Variants in USH2A observed in about 807,000 individuals in gnomAD.
USH2A encodes usherin, also known as Usher syndrome 2A (autosomal recessive, mild).
Under a neutral mutation model 538.9 loss-of-function variants are expected in USH2A, and 443 were observed. The ratio of observed to expected loss-of-function variants is 0.82; its 90% confidence interval spans 0.76 to 0.89. The LOEUF is 0.89. USH2A is among the 40% of genes least tolerant of loss of function. The pLI is 0.00. For missense variants in USH2A, 6,633 were observed against 6,324.8 expected, an observed-to-expected ratio of 1.05 and a Z score of -1.65; for synonymous variants, 2,413 against 2,273.5, an observed-to-expected ratio of 1.06 and a Z score of -1.75.
rs1303990739 is a variant in USH2A, at chr1:215,998,805, G to A, written c.6657+82C>T. 4.1e-5 allele frequency: 60 copies of A among 1,463,442 alleles called. 1 individual carries two copies. In the South Asian group the frequency reaches 7.0e-4, roughly 17 times the overall value. The allele number at this position is 1,463,442 out of a possible 1,614,324, so 90.7% of individuals were successfully genotyped here. On this transcript the variant is annotated intron_variant, in intron 34 of 71. Transcript: ENST00000307340. Reference sequence around the variant, plus strand: ...TTTTGACTTTTTTTTTTTTAAGTGAGAGAGAAAGAAAAGATGGACCACGGG... The same window carrying A: ...TTTTGACTTTTTTTTTTTTAAGTGAAAGAGAAAGAAAAGATGGACCACGGG...
intron 12 of USH2A, among the ~76,000 whole-genome samples, chr1:216,248,861 G>A (rs777877519): frequency 8.6e-5 from 13 of 151,950 alleles, no homozygotes; most frequent in Middle Eastern, 3.2e-3. Context: ...CATCACATTC[G>A]GTGTTAACAA....
chr1:216,094,446 T>A (rs1354686485), intron 22 of USH2A, among the ~76,000 whole-genome samples: 1 of 152,214 alleles, frequency 6.6e-6, no homozygotes, highest in East Asian at 1.9e-4. Context: ...CTTACTAATT[T>A]TAGCAACAAA....
chr1:215,867,228 CAAAT>C (rs1180956936), intron 43 of USH2A, 58 bp from the exon 44 acceptor site: 1 of 1,558,350 alleles, frequency 6.4e-7, no homozygotes, highest in Non-Finnish European at 8.8e-7. Flanking sequence ...GAAAATCTAA[CAAAT>C]AATTTCTTTT....
chr1:215,960,055 G>GC (rs1206017461), intron 37 of USH2A, among the ~76,000 whole-genome samples: 5 of 152,170 alleles, frequency 3.3e-5, no homozygotes, highest in African/African-American at 1.2e-4. Context: ...GGGAAGTCTA[G>GC]TAGTAAAGAA....
In USH2A at chr1:215,728,334, C is replaced by T; in HGVS notation, c.11762G>A (p.Gly3921Glu). 3.1e-6 allele frequency: 5 copies of T among 1,614,184 alleles called. No homozygotes were observed. Among genetic ancestry groups the T allele is most frequent in the Non-Finnish European group, 4.2e-6 (5 of 1,180,034 alleles). ...EESVLFVWSEGALEFMDEGDT... is the reference protein window; with the variant it reads ...EESVLFVWSEEALEFMDEGDT... ...TCCTTCATCCATAAATTCAAGGGCT[C>T]CTTCTGACCAGACAAATAAAACAGA... Residue 3921 changes from glycine (G) to glutamate (E), a missense_variant, in exon 61 of 72, where the codon GGA becomes GAA. Gly to Glu is a moderately conservative substitution (Grantham distance 98). Coordinates refer to ENST00000307340, the MANE Select transcript of USH2A (RefSeq NM_206933.4).
In USH2A at chr1:216,097,127, G is replaced by A. The variant is rs111033333; in HGVS notation, c.4714C>T (p.Leu1572Phe). ...SPGNQEEYFA[L>F]QLKKGRLYFL... ...TAAAGACGTCCCTTCTTCAACTGAAGTGCAAAATACTCTTCCTGATTGCCA... is the reference window on the plus strand; with the variant it reads ...TAAAGACGTCCCTTCTTCAACTGAAATGCAAAATACTCTTCCTGATTGCCA... The change falls in exon 22 of 72, where the codon CTT (leucine) becomes TTT (phenylalanine). Residue 1572 changes from leucine (L) to phenylalanine (F), a missense_variant. Leu to Phe is a conservative substitution (Grantham distance 22). Transcript: ENST00000307340. The A allele has an allele frequency of 1.1e-3, 1,733 of 1,614,110 alleles. 2 individuals are homozygous for A. Among genetic ancestry groups the A allele is most frequent in the Non-Finnish European group, 1.4e-3 (1,597 of 1,179,994 alleles).
rs118122139 is a variant in USH2A, at chr1:215,703,068, G to A, written c.12067-22692C>T. Among the ~76,000 whole-genome samples the A allele has an allele frequency of 4.5e-3, 678 of 152,236 alleles. 7 individuals are homozygous for A. The East Asian group carries it at 0.058, about 13-fold the overall frequency. On this transcript the variant is annotated intron_variant, in intron 61 of 71. Transcript: ENST00000307340. ...TAGTTTTCCTTTTAACAGTCAGGGC[G>A]CTTTTCTGCAGGTCTGCTGGAGTTT...
chr1:216,067,511 G>A (rs1401796578), intron 30 of USH2A, among the ~76,000 whole-genome samples: 1 of 147,558 alleles, frequency 6.8e-6, no homozygotes, highest in Admixed American at 6.7e-5. Context: ...AAAAAAAAAA[G>A]GCTATGAAAA....
intron 32 of USH2A, among the ~76,000 whole-genome samples, chr1:216,031,607 C>T (rs12120923): frequency 0.15 from 22,071 of 152,114 alleles, 1,691 homozygotes; most frequent in Middle Eastern, 0.21. Flanking sequence ...ACTCAGTCTT[C>T]GCTATGTTGA....
At chr1:215,636,215 G>A (rs1195398933) in intron 69 of USH2A, among the ~76,000 whole-genome samples, 3 of 152,164 alleles carry the variant, frequency 2.0e-5, no homozygotes, top group Non-Finnish European at 2.9e-5. Flanking sequence ...ATGGGCCTGC[G>A]TGGTACTTCA....
intron 21 of USH2A, among the ~76,000 whole-genome samples, chr1:216,105,572 T>A (rs574399872): frequency 5.9e-5 from 9 of 152,228 alleles, no homozygotes; most frequent in East Asian, 1.9e-4. Context: ...GCCATTTTTT[T>A]AATACTTTAT....
chr1:215,939,791 G>A (rs1415827953), intron 37 of USH2A, among the ~76,000 whole-genome samples: 1 of 151,896 alleles, frequency 6.6e-6, no homozygotes, highest in Non-Finnish European at 1.5e-5. Flanking sequence ...GTGCTGGACT[G>A]CTCTGACCTT....
chr1:215,654,441 A>G (rs1657179244), intron 64 of USH2A, among the ~76,000 whole-genome samples: 1 of 152,208 alleles, frequency 6.6e-6, no homozygotes, highest in African/African-American at 2.4e-5. Flanking sequence ...ATAAAAGATT[A>G]AAGATGATTA....
At chr1:215,686,568 C>G (rs1658429141) in intron 61 of USH2A, among the ~76,000 whole-genome samples, 1 of 151,960 alleles carries the variant, frequency 6.6e-6, no homozygotes. Context: ...AGTTTTTGAA[C>G]TGCATTTGTT....
At chr1:215,814,972 G>A (rs1485674460) in intron 48 of USH2A, among the ~76,000 whole-genome samples, 1 of 152,044 alleles carries the variant, frequency 6.6e-6, no homozygotes, top group Non-Finnish European at 1.5e-5. Flanking sequence ...GGTAAAGCTT[G>A]TTTAAGTATT....
chr1:215,748,572 T>C (rs1041908964), intron 58 of USH2A, among the ~76,000 whole-genome samples: 6 of 152,228 alleles, frequency 3.9e-5, no homozygotes, highest in Non-Finnish European at 5.9e-5. Flanking sequence ...ATTCATCCTG[T>C]CTTCTTTGTT....
chr1:215,755,718 A>G lies in USH2A; in HGVS notation c.11389+2877T>C, dbSNP rs191883394. Among the ~76,000 whole-genome samples the G allele has an allele frequency of 3.3e-5, 5 of 152,322 alleles. No individual in the cohort carries two copies. The East Asian group carries it at 9.6e-4, about 29-fold the overall frequency. On this transcript the variant is annotated intron_variant, in intron 58 of 71. Transcript: ENST00000307340. The stretch of plus-strand genomic sequence containing the variant: ...AACCATTGGTTAAATGGTCAGAGTT[A>G]GTGTGTAAAGCATTCTACAATATCC...
chr1:215,991,775 A>G (rs1668009509), intron 35 of USH2A, among the ~76,000 whole-genome samples: 1 of 152,224 alleles, frequency 6.6e-6, no homozygotes, highest in African/African-American at 2.4e-5. Flanking sequence ...GTATTAACCA[A>G]TTGGGATGAA....
chr1:215,793,116 T>C (rs959501885), intron 50 of USH2A, among the ~76,000 whole-genome samples: 12 of 152,200 alleles, frequency 7.9e-5, no homozygotes, highest in African/African-American at 2.9e-4. Flanking sequence ...TCAAATATGT[T>C]ACCAATGCTT....
Sources: allele counts gnomAD v4.1 joint callset (sites outside exome capture counted in the v4.1 genomes callset), GRCh38; gene constraint gnomAD v4.1.1; transcripts MANE v1.5; gene names NCBI Gene and HGNC (gene_info 2026-07-23, HGNC 2026-07-21).